HDLBP: variants seen among roughly 807,000 people sequenced by gnomAD.
HDLBP encodes vigilin.
HDLBP carries 30 observed loss-of-function variants against 137.3 expected under a neutral mutation model. The observed-to-expected ratio is 0.22, with a 90% CI of 0.16 to 0.30. The LOEUF is 0.30. Among genes scored for constraint, HDLBP ranks in the 10% least tolerant of loss-of-function variants. The probability of loss-of-function intolerance (pLI) is 1.00; values close to 1 mark genes in which losing one functional copy is unlikely to be tolerated. For synonymous variants in HDLBP, 606 were observed against 596.0 expected, an observed-to-expected ratio of 1.02 and a Z score of -0.24; for missense variants, 1,119 against 1,667.3, an observed-to-expected ratio of 0.67 and a Z score of 5.73.
chr2:241,310,361 C>G (rs569836478), intron 1 of HDLBP, among the ~76,000 whole-genome samples: 33 of 152,214 alleles, frequency 2.2e-4, no homozygotes, highest in African/African-American at 7.5e-4. Flanking sequence ...TATTGTACAG[C>G]ACGGTGAATA....
intron 9 of HDLBP, 55 bp downstream of exon 9, chr2:241,254,996 A>T: frequency 7.5e-7 from 1 of 1,336,066 alleles, no homozygotes; most frequent in Non-Finnish European, 1.1e-6. Flanking sequence ...TATCAGAAAC[A>T]GAAAGACAGA....
Position 241,272,700 on chromosome 2 carries a change from C to A in HDLBP, c.-102-4159G>T. The A allele has an allele frequency of 1.1e-5, 8 of 705,248 alleles. No homozygotes were observed. The highest frequency in any genetic ancestry group is 1.2e-5 in the Non-Finnish European group (7 of 580,574). The allele number at this position is 705,248 out of a possible 1,614,324, so 43.7% of individuals were successfully genotyped here. Reference sequence around the variant, plus strand: ...AGCCACCCCCCACCCCCCCGCCCGGCAGCCCGCCCGCCCCGTCCGCCCGCC... The same window carrying A: ...AGCCACCCCCCACCCCCCCGCCCGGAAGCCCGCCCGCCCCGTCCGCCCGCC... On this transcript the variant is annotated intron_variant, in intron 1 of 27. Coordinates refer to ENST00000310931, the MANE Select transcript of HDLBP (RefSeq NM_005336.6). This position sits in a 1 kb window ranked among gnomAD's most constrained non-coding sequence, Gnocchi z 5.6.
intron 23 of HDLBP, 88 bp downstream of exon 23, chr2:241,235,033 G>C: frequency 6.7e-7 from 1 of 1,502,790 alleles, no homozygotes; most frequent in African/African-American, 1.4e-5. Flanking sequence ...TGGGATGCTG[G>C]GATCCTGAAG....
intron 1 of HDLBP, among the ~76,000 whole-genome samples, chr2:241,273,419 T>C (rs1400836524): frequency 6.6e-6 from 1 of 152,132 alleles, no homozygotes; most frequent in African/African-American, 2.4e-5. Flanking sequence ...TCTACATAGA[T>C]GTATACACGC....
Position 241,272,694 on chromosome 2 carries a change from GCCCGGCAGCCCGCCCGC to G in HDLBP, c.-102-4170_-102-4154del. On this transcript the variant is annotated intron_variant, in intron 1 of 27. Coordinates refer to ENST00000310931, the MANE Select transcript of HDLBP (RefSeq NM_005336.6). The surrounding 1 kb of genome is among the most constrained non-coding windows in gnomAD (Gnocchi z 5.6). ...GTCAGCAGCCACCCCCCACCCCCCCGCCCGGCAGCCCGCCCGCCCCGTCCGCCCGCCCGCCCAGGCCT... is the reference window on the plus strand; with the variant it reads ...GTCAGCAGCCACCCCCCACCCCCCCGCCCGTCCGCCCGCCCGCCCAGGCCT... 1.9e-6 allele frequency: 1 copy of G among 513,984 alleles called. No homozygotes were observed. The highest frequency in any genetic ancestry group is 2.1e-6 in the Non-Finnish European group (1 of 466,382). The allele number at this position is 513,984 out of a possible 1,614,324, so 31.8% of individuals were successfully genotyped here.
intron 1 of HDLBP, among the ~76,000 whole-genome samples, chr2:241,285,768 C>T (rs1404987125): frequency 6.6e-6 from 1 of 152,170 alleles, no homozygotes; most frequent in African/African-American, 2.4e-5. Context: ...GTGACTCATG[C>T]CTATAATCCT....
chr2:241,309,685 C>G (rs1177943144), intron 1 of HDLBP, among the ~76,000 whole-genome samples: 1 of 152,192 alleles, frequency 6.6e-6, no homozygotes, highest in Non-Finnish European at 1.5e-5. Context: ...CAGTCCCTCT[C>G]CTATCCTGGC....
Position 241,277,486 on chromosome 2 carries a change from C to A in HDLBP, c.-102-8945G>T, listed in dbSNP as rs1255411316. On this transcript the variant is annotated intron_variant, in intron 1 of 27. Coordinates refer to ENST00000310931, the MANE Select transcript of HDLBP (RefSeq NM_005336.6). ...GCAATATTAAGAATTAAAAGGGGGTCAAAAACTACAGCTAAAATGGAGACT... is the reference window on the plus strand; with the variant it reads ...GCAATATTAAGAATTAAAAGGGGGTAAAAAACTACAGCTAAAATGGAGACT... Among the ~76,000 whole-genome samples, 6 of 152,040 alleles carry A rather than the reference C, an allele frequency of 3.9e-5. No individual in the cohort carries two copies. In the East Asian group the frequency reaches 1.2e-3, roughly 29 times the overall value.
At chr2:241,298,491 C>A (rs1295425883) in intron 1 of HDLBP, among the ~76,000 whole-genome samples, 1 of 152,128 alleles carries the variant, frequency 6.6e-6, no homozygotes, top group Non-Finnish European at 1.5e-5. Context: ...GGGTAACAAT[C>A]AACCGAATTA....
rs1273447948 is a variant in HDLBP, at chr2:241,256,594, C to A, written c.657+6G>T. 10 of 1,613,242 alleles carry A rather than the reference C, an allele frequency of 6.2e-6. No homozygotes were observed. Among genetic ancestry groups the A allele is most frequent in the Non-Finnish European group, 8.5e-6 (10 of 1,179,838 alleles). ...CAGGGGCACGAGGCACTCACACAGG[C>A]CTCACCTGCTCGGCAGAGATGAGTA... On this transcript the variant is annotated splice_donor_region_variant and intron_variant, in intron 6 of 27. Transcript: ENST00000310931.
chr2:241,288,659 G>C (rs1314428318), intron 1 of HDLBP, among the ~76,000 whole-genome samples: 1 of 152,168 alleles, frequency 6.6e-6, no homozygotes, highest in African/African-American at 2.4e-5. Flanking sequence ...TGGGTTTACT[G>C]ATGTCTCTAA....
intron 11 of HDLBP, among the ~76,000 whole-genome samples, chr2:241,251,922 A>G (rs2072227468): frequency 6.6e-6 from 1 of 152,126 alleles, no homozygotes; most frequent in Non-Finnish European, 1.5e-5. Flanking sequence ...CGTTGCAGTG[A>G]ACTGAGATCA....
intron 1 of HDLBP, chr2:241,273,050 G>A (rs920086549): frequency 2.0e-6 from 2 of 985,504 alleles, no homozygotes; most frequent in Non-Finnish European, 2.4e-6. Flanking sequence ...AGAAAGCAGA[G>A]GGAGCGCGCC....
At chr2:241,289,380 C>G (rs1446123541) in intron 1 of HDLBP, among the ~76,000 whole-genome samples, 4 of 152,174 alleles carry the variant, frequency 2.6e-5, no homozygotes, top group Non-Finnish European at 4.4e-5. Flanking sequence ...TATAAAGACT[C>G]CCTAGAAACG....
intron 1 of HDLBP, among the ~76,000 whole-genome samples, chr2:241,303,499 T>G (rs1173955991): frequency 6.6e-6 from 1 of 152,310 alleles, no homozygotes; most frequent in Non-Finnish European, 1.5e-5. Flanking sequence ...ACAAGAACAC[T>G]TGGCTGCCTC....
chr2:241,270,836 G>C (rs2073987539), intron 1 of HDLBP: 1 of 344,766 alleles, frequency 2.9e-6, no homozygotes, highest in African/African-American at 2.2e-5. Context: ...GAAGTTCCCA[G>C]GATACCTTGG....
chr2:241,268,071 C>T lies in HDLBP; in HGVS notation c.-38+406G>A, dbSNP rs1229394153. ...AGAACCCATTTTCTTTACACAATTA[C>T]GCATCAATTACTCGCACAACAAGGC... On this transcript the variant is annotated intron_variant, in intron 2 of 27. Transcript: ENST00000310931. 3.4e-5 allele frequency: 21 copies of T among 615,722 alleles called. No individual in the cohort carries two copies. In the South Asian group the frequency reaches 6.6e-4, roughly 19 times the overall value. 38.1% of individuals were successfully genotyped at this position (615,722 alleles called of 1,614,324 possible).
In HDLBP at chr2:241,229,647, C is replaced by A; in HGVS notation, c.3761G>T (p.Gly1254Val). 1 of 1,614,166 alleles carries A rather than the reference C, an allele frequency of 6.2e-7. No homozygotes were observed. ...MSSSEEFPSF[G>V]AQVAPKTLPW... The stretch of plus-strand genomic sequence containing the variant: ...GAGGGTCTTGGGAGCCACCTGAGCC[C>A]CAAAGCTGGGAAATTCCTCAGAGCT... Residue 1254 changes from glycine to valine, a missense_variant, in exon 28 of 28, where the codon GGG (glycine) becomes GTG (valine). Physicochemically the swap from Gly to Val is moderately radical, Grantham distance 109. Coordinates refer to ENST00000310931, the MANE Select transcript of HDLBP (RefSeq NM_005336.6).
intron 1 of HDLBP, chr2:241,269,262 A>G (rs2073895978): frequency 1.3e-5 from 2 of 152,240 alleles, no homozygotes. Flanking sequence ...CAACCATGAA[A>G]AGGTGGAACT....
Sources: gnomAD v4.1 joint callset for allele counts (sites outside exome capture counted in the v4.1 genomes callset) on GRCh38, gnomAD v4.1.1 for gene constraint, Gnocchi (gnomAD v3.1) non-coding constraint, MANE v1.5 for transcripts, NCBI Gene and HGNC (gene_info 2026-07-23, HGNC 2026-07-21) for gene names.